Variants in ATXN7L1 observed in about 807,000 individuals in gnomAD.
The protein encoded by ATXN7L1 is ataxin-7-like protein 1.
In ATXN7L1, 15 loss-of-function variants were observed where a neutral mutation model predicts 70.8. The observed-to-expected ratio is 0.21, with a 90% confidence interval of 0.14 to 0.33. The LOEUF is 0.33. ATXN7L1 is among the 10% of genes least tolerant of loss of function. The pLI, the probability that ATXN7L1 is intolerant of heterozygous loss-of-function variation, is 1.00. For synonymous variants in ATXN7L1, 440 were observed against 445.1 expected, an observed-to-expected ratio of 0.99 and a Z score of 0.14; for missense variants, 975 against 1,097.1, an observed-to-expected ratio of 0.89 and a Z score of 1.57.
chr7:105,659,093 C>T (rs931610236), intron 4 of ATXN7L1, among the ~76,000 whole-genome samples: 4 of 152,084 alleles, frequency 2.6e-5, no homozygotes, highest in Non-Finnish European at 4.4e-5. Context: ...GCTGAGATCA[C>T]GCCACTGTAC....
At chr7:105,759,205 G>A (rs1341015781) in intron 3 of ATXN7L1, among the ~76,000 whole-genome samples, 1 of 136,996 alleles carries the variant, frequency 7.3e-6, no homozygotes, top group Non-Finnish European at 1.5e-5. Flanking sequence ...TATCAGCCAC[G>A]TTTGGAGTAA....
intron 2 of ATXN7L1, among the ~76,000 whole-genome samples, chr7:105,795,704 C>A (rs947701095): frequency 2.0e-5 from 3 of 152,168 alleles, no homozygotes; most frequent in Admixed American, 2.0e-4. Flanking sequence ...TGAAGGCAGT[C>A]GGACAGCCTA....
At chr7:105,870,098 G>A (rs943916369) in intron 2 of ATXN7L1, among the ~76,000 whole-genome samples, 1 of 151,976 alleles carries the variant, frequency 6.6e-6, no homozygotes, top group African/African-American at 2.4e-5. Context: ...TGGTTAACAC[G>A]GTGAAACCCA....
chr7:105,837,338 C>T (rs62482785), intron 2 of ATXN7L1, among the ~76,000 whole-genome samples: 9 of 152,046 alleles, frequency 5.9e-5, no homozygotes. Context: ...ATCTACAATG[C>T]CCTAAGATGC....
chr7:105,710,456 G>A (rs1020100239), intron 3 of ATXN7L1, among the ~76,000 whole-genome samples: 1 of 137,484 alleles, frequency 7.3e-6, no homozygotes, highest in African/African-American at 2.7e-5. Flanking sequence ...CACTCAGGCT[G>A]CAGTGCAGTG....
chr7:105,696,826 G>A (rs192505029), intron 3 of ATXN7L1, among the ~76,000 whole-genome samples: 7 of 152,308 alleles, frequency 4.6e-5, no homozygotes, highest in Non-Finnish European at 8.8e-5. Context: ...CGAAAATCAC[G>A]TAGGTTCTTT....
intron 4 of ATXN7L1, among the ~76,000 whole-genome samples, chr7:105,655,162 G>A (rs7806216): frequency 0.063 from 9,538 of 152,174 alleles, 331 homozygotes; most frequent in South Asian, 0.099. Context: ...TTACACCCAA[G>A]GAGCTGTCCA....
intron 7 of ATXN7L1, among the ~76,000 whole-genome samples, chr7:105,629,977 C>T (rs1160167343): frequency 3.9e-5 from 6 of 152,126 alleles, no homozygotes; most frequent in Non-Finnish European, 7.3e-5. Context: ...ACCACCACAC[C>T]TGGCTAATTT....
chr7:105,679,233 G>A (rs545282858), intron 3 of ATXN7L1: 10 of 795,618 alleles, frequency 1.3e-5, no homozygotes, highest in African/African-American at 9.4e-5. Flanking sequence ...AGAAAAGCCC[G>A]GAACAGTCAG....
At chr7:105,849,403 G>C (rs1342441867) in intron 2 of ATXN7L1, among the ~76,000 whole-genome samples, 1 of 152,162 alleles carries the variant, frequency 6.6e-6, no homozygotes, top group Non-Finnish European at 1.5e-5. Flanking sequence ...AGGGCAAGAG[G>C]GTCAAGCCTG....
chr7:105,650,038 T>C lies in ATXN7L1; in HGVS notation c.579-6917A>G, dbSNP rs140207148. Among the ~76,000 whole-genome samples the C allele has an allele frequency of 7.2e-5, 11 of 152,362 alleles. No homozygotes were observed. In the East Asian group the frequency reaches 2.1e-3, roughly 29 times the overall value. ...CAATAAAAAGGAATTTACCCTCTTT[T>C]AAAATGCCCTTGGAGAAGGAATTCA... On this transcript the variant is annotated intron_variant, in intron 4 of 11. Coordinates refer to ENST00000419735, the MANE Select transcript of ATXN7L1 (RefSeq NM_020725.2).
At chr7:105,813,445 C>A (rs1184953193) in intron 2 of ATXN7L1, among the ~76,000 whole-genome samples, 2 of 150,128 alleles carry the variant, frequency 1.3e-5, no homozygotes, top group Non-Finnish European at 2.9e-5. Context: ...TCAAGCGATT[C>A]TCCTGCCTCA....
rs555390037 is a variant in ATXN7L1, at chr7:105,784,804, C to T, written c.355+3800G>A. 1.6e-4 allele frequency among the ~76,000 whole-genome samples: 24 copies of T among 152,210 alleles called. No homozygotes were observed. The South Asian group carries it at 3.3e-3, about 21-fold the overall frequency. On this transcript the variant is annotated intron_variant, in intron 3 of 11. Transcript: ENST00000419735. ...AAGGTTGCACAGTTAGTGGGGGAGT[C>T]GTGAATTGCTTTGTCTCATTCCAAA...
At chr7:105,679,507 C>G (rs1046126991) in intron 3 of ATXN7L1, among the ~76,000 whole-genome samples, 1 of 152,168 alleles carries the variant, frequency 6.6e-6, no homozygotes, top group East Asian at 1.9e-4. Context: ...CATTACCTAG[C>G]ACTATGCCTT....
chr7:105,619,165 T>TTTTTTTTTTTTTAA, intron 9 of ATXN7L1, among the ~76,000 whole-genome samples: 1 of 140,614 alleles, frequency 7.1e-6, no homozygotes, highest in Non-Finnish European at 1.5e-5. Flanking sequence ...TTTTTTTTTT[T>TTTTTTTTTTTTTAA]GAGACGGAGT....
chr7:105,619,528 ATATTTTTTTTTTTT>A (rs1794595739), intron 9 of ATXN7L1, among the ~76,000 whole-genome samples: 1 of 14,772 alleles, frequency 6.8e-5, no homozygotes, highest in African/African-American at 3.0e-4. Flanking sequence ...ATATATATAT[ATATTTTTTTTTTTT>A]TTTTTTTTTT....
At chr7:105,810,160 A>G (rs559819653) in intron 2 of ATXN7L1, among the ~76,000 whole-genome samples, 1 of 152,358 alleles carries the variant, frequency 6.6e-6, no homozygotes, top group South Asian at 2.1e-4. Context: ...GAGATACTGA[A>G]GTCACTGAGG....
chr7:105,642,774 C>T (rs1798459355), intron 5 of ATXN7L1, 64 bp downstream of exon 5: 12 of 1,472,326 alleles, frequency 8.2e-6, no homozygotes, highest in South Asian at 5.5e-5. Flanking sequence ...ATCACTCCTT[C>T]GTTATGGCTG....
Position 105,614,540 on chromosome 7 carries a change from G to C in ATXN7L1, c.1794C>G (p.Phe598Leu). Residue 598 changes from phenylalanine (F) to leucine (L), a missense_variant, in exon 10 of 12, where the codon TTC (phenylalanine) becomes TTG (leucine). Phe to Leu is a conservative substitution (Grantham distance 22). This residue lies in a region of ATXN7L1 where 635 missense variants were observed against 699.4 expected (regional missense o/e 0.91). Transcript: ENST00000419735. This position sits in a 1 kb window ranked among gnomAD's most constrained non-coding sequence, Gnocchi z 4.3. ...AATLSIMDST[F>L]KAPSAVSPIP... ...TCGGGGACACGGCGGATGGGGCCTT[G>C]AAGGTTGAGTCCATGATGCTGAGGG... is the stretch of plus-strand genomic sequence containing the variant. The C allele has an allele frequency of 1.3e-6, 2 of 1,541,412 alleles. No homozygotes were observed. The highest frequency in any genetic ancestry group is 1.8e-6 in the Non-Finnish European group (2 of 1,140,358).
Sources: gnomAD v4.1 joint callset for allele counts (sites outside exome capture counted in the v4.1 genomes callset) on GRCh38, gnomAD v4.1.1 for gene constraint, gnomAD v4.1.1 regional missense constraint, Gnocchi (gnomAD v3.1) non-coding constraint, MANE v1.5 for transcripts, NCBI Gene and HGNC (gene_info 2026-07-23, HGNC 2026-07-21) for gene names.